The following DLC1 variants were observed in gnomAD, a reference collection of about 807,000 sequenced individuals.
The protein encoded by DLC1 is rho GTPase-activating protein 7.
Under a neutral mutation model 140.3 loss-of-function variants are expected in DLC1, and 54 were observed. The observed-to-expected ratio is 0.38, with a 90% CI of 0.31 to 0.48. DLC1 has a LOEUF of 0.48. Among genes scored for constraint, DLC1 ranks in the 20% least tolerant of loss-of-function variants. DLC1 has a pLI of 0.96. For synonymous variants in DLC1, 986 were observed against 728.1 expected (o/e 1.35, Z -5.70); for missense variants, 2,536 against 1,907.0 (o/e 1.33, Z -6.14).
intron 13 of DLC1, among the ~76,000 whole-genome samples, chr8:13,091,972 C>T (rs550706867): frequency 1.3e-5 from 2 of 152,280 alleles, no homozygotes; most frequent in African/African-American, 4.8e-5. Flanking sequence ...TGTGGCCGGG[C>T]GCAGTGGCTC....
intron 3 of DLC1, among the ~76,000 whole-genome samples, chr8:13,398,703 C>T (rs1473636027): frequency 1.3e-5 from 2 of 151,192 alleles, no homozygotes; most frequent in African/African-American, 2.4e-5. Context: ...CTAGTAGGAA[C>T]AGAGCAATGG....
chr8:13,255,391 ATAAAAG>A (rs2117303113), intron 5 of DLC1, among the ~76,000 whole-genome samples: 2 of 152,350 alleles, frequency 1.3e-5, no homozygotes, highest in South Asian at 4.1e-4. Context: ...TGTCTGCTAT[ATAAAAG>A]GAACTCCATA....
At chr8:13,507,973 T>C (rs1802176841) in intron 1 of DLC1, among the ~76,000 whole-genome samples, 1 of 152,230 alleles carries the variant, frequency 6.6e-6, no homozygotes, top group Non-Finnish European at 1.5e-5. Flanking sequence ...GAGTTTTTAC[T>C]CAACTTAAAA....
At chr8:13,145,215 T>C (rs931472371) in intron 5 of DLC1, among the ~76,000 whole-genome samples, 1 of 152,086 alleles carries the variant, frequency 6.6e-6, no homozygotes, top group African/African-American at 2.4e-5. Context: ...CTTAATTGCT[T>C]ATATTAGCAA....
At position 13,086,344 on chromosome 8, in the gene DLC1, T is replaced by G; in HGVS notation, c.4412A>C (p.Glu1471Ala). ...VNVLLSRYLI[E>A]PCGPGKSKLT... ...TTTGGATTTTCCTGGCCCACAGGGT[T>G]CAATCAAATACCTGGACAAGAGCAC... Residue 1471 changes from glutamate (E) to alanine (A), a missense_variant, in exon 17 of 18, where the codon GAA becomes GCA. Glu to Ala is a moderately radical substitution (Grantham distance 107, BLOSUM62 -1). Coordinates refer to ENST00000276297, the MANE Select transcript of DLC1 (RefSeq NM_182643.3). The G allele has an allele frequency of 6.2e-7, 1 of 1,614,208 alleles. No individual in the cohort carries two copies. Among genetic ancestry groups the G allele is most frequent in the Middle Eastern group, 1.6e-4 (1 of 6,062 alleles).
At chr8:13,241,275 G>A (rs537200702) in intron 5 of DLC1, among the ~76,000 whole-genome samples, 234 of 152,318 alleles carry the variant, frequency 1.5e-3, no homozygotes, top group Non-Finnish European at 2.8e-3. Flanking sequence ...TTTCAATTAA[G>A]CATTAAGAAA....
At chr8:13,350,165 C>T (rs978768766) in intron 4 of DLC1, among the ~76,000 whole-genome samples, 2 of 152,172 alleles carry the variant, frequency 1.3e-5, no homozygotes, top group Admixed American at 6.5e-5. Context: ...ATAATACATG[C>T]CACAGCTATT....
intron 2 of DLC1, among the ~76,000 whole-genome samples, chr8:13,412,475 T>C (rs1336732898): frequency 6.6e-6 from 1 of 152,122 alleles, no homozygotes; most frequent in Admixed American, 6.5e-5. Context: ...CATTTTTTGC[T>C]AGTAGCCAAA....
At chr8:13,301,670 C>T (rs1249756998) in intron 5 of DLC1, among the ~76,000 whole-genome samples, 1 of 152,164 alleles carries the variant, frequency 6.6e-6, no homozygotes, top group Non-Finnish European at 1.5e-5. Flanking sequence ...TCCCCAACCC[C>T]CAAGCCCTGG....
intron 2 of DLC1, among the ~76,000 whole-genome samples, chr8:13,467,293 C>T (rs1329220500): frequency 6.6e-6 from 1 of 152,132 alleles, no homozygotes; most frequent in Admixed American, 6.5e-5. Flanking sequence ...GAATGTAGTT[C>T]CACTTCAAGT....
chr8:13,283,532 T>C (rs1233155959), intron 5 of DLC1, among the ~76,000 whole-genome samples: 1 of 152,198 alleles, frequency 6.6e-6, no homozygotes, highest in South Asian at 2.1e-4. Context: ...TCTTTCTTTT[T>C]TGAGACAAGA....
chr8:13,601,848 A>G (rs1343726261), intron 1 of DLC1, among the ~76,000 whole-genome samples: 7 of 151,834 alleles, frequency 4.6e-5, no homozygotes, highest in East Asian at 3.9e-4. Flanking sequence ...TTTGCTGGCT[A>G]TATAACCCAG....
At chr8:13,533,088 G>A (rs1803155410) in intron 1 of DLC1, among the ~76,000 whole-genome samples, 2 of 152,106 alleles carry the variant, frequency 1.3e-5, no homozygotes, top group African/African-American at 4.8e-5. Flanking sequence ...CATTAGTAAT[G>A]CTTACATTAA....
intron 2 of DLC1, among the ~76,000 whole-genome samples, chr8:13,411,415 A>G (rs890673949): frequency 4.6e-5 from 7 of 152,226 alleles, no homozygotes; most frequent in Non-Finnish European, 1.0e-4. Context: ...AATCCAGACC[A>G]TAGAGGAGTT....
intron 2 of DLC1, among the ~76,000 whole-genome samples, chr8:13,458,418 T>C (rs1799511127): frequency 1.3e-5 from 2 of 152,224 alleles, no homozygotes; most frequent in African/African-American, 2.4e-5. Context: ...TTTCTACTAA[T>C]TGAAGTTTTG....
chr8:13,149,204 A>G lies in DLC1; in HGVS notation c.1349-33547T>C, dbSNP rs147083878. On this transcript the variant is annotated intron_variant, in intron 5 of 17. Transcript: ENST00000276297. ...AGAGCTTAACTCAAGTAAACTTTCA[A>G]AACTCCTCCATTTGCCCTTCCTAGT... is the stretch of plus-strand genomic sequence containing the variant. Among the ~76,000 whole-genome samples, 418 of 152,316 alleles carry G rather than the reference A, an allele frequency of 2.7e-3. 1 individual carries two copies. The highest frequency in any genetic ancestry group is 0.01 in the Middle Eastern group (3 of 292).
chr8:13,241,661 A>G (rs1209990), intron 5 of DLC1, among the ~76,000 whole-genome samples: 101,622 of 151,998 alleles, frequency 0.67, 34,203 homozygotes, highest in East Asian at 0.87. Flanking sequence ...AAATGTTTTC[A>G]GGGCTTTCAA....
At chr8:13,541,981 A>C (rs977746621) in intron 1 of DLC1, among the ~76,000 whole-genome samples, 1 of 152,008 alleles carries the variant, frequency 6.6e-6, no homozygotes, top group African/African-American at 2.4e-5. Context: ...ATCAGTATTT[A>C]TTTTGCAAAT....
At chr8:13,311,559 G>T (rs1041043038) in intron 4 of DLC1, among the ~76,000 whole-genome samples, 1 of 152,214 alleles carries the variant, frequency 6.6e-6, no homozygotes, top group Middle Eastern at 3.4e-3. Flanking sequence ...CTCCAAAAAA[G>T]GACACATCTT....
Sources: gnomAD v4.1 joint callset for allele counts (sites outside exome capture counted in the v4.1 genomes callset) on GRCh38, gnomAD v4.1.1 for gene constraint, MANE v1.5 for transcripts, NCBI Gene and HGNC (gene_info 2026-07-23, HGNC 2026-07-21) for gene names.